The following MAP4K4 variants were observed in gnomAD, a reference collection of about 807,000 sequenced individuals.
MAP4K4 encodes mitogen-activated protein kinase kinase kinase kinase 4.
MAP4K4 carries 38 observed loss-of-function variants against 189.6 expected under a neutral mutation model. That is an observed-to-expected ratio of 0.20 (90% CI 0.15 to 0.26). The LOEUF is 0.26. MAP4K4 is among the 10% of genes least tolerant of loss of function. MAP4K4 has a pLI of 1.00. For synonymous variants in MAP4K4, 610 were observed against 624.3 expected (o/e 0.98, Z 0.34); for missense variants, 1,054 against 1,726.9 (o/e 0.61, Z 6.91).
intron 2 of MAP4K4, among the ~76,000 whole-genome samples, chr2:101,760,881 T>C (rs1033721106): frequency 6.6e-6 from 1 of 152,142 alleles, no homozygotes; most frequent in African/African-American, 2.4e-5. Context: ...CGCATGCCTG[T>C]AATCCCAGCT....
intron 2 of MAP4K4, among the ~76,000 whole-genome samples, chr2:101,759,472 C>T (rs1283137124): frequency 1.7e-5 from 2 of 116,944 alleles, no homozygotes; most frequent in Non-Finnish European, 3.6e-5. Context: ...CTTTCCCTTT[C>T]CCTCTCCCCT....
At chr2:101,761,777 G>A (rs1284069065) in intron 2 of MAP4K4, among the ~76,000 whole-genome samples, 2 of 151,942 alleles carry the variant, frequency 1.3e-5, no homozygotes, top group Non-Finnish European at 2.9e-5. Flanking sequence ...GGCTGGTCTC[G>A]AACTCCTGAC....
At chr2:101,760,840 C>G (rs993697012) in intron 2 of MAP4K4, among the ~76,000 whole-genome samples, 4 of 152,016 alleles carry the variant, frequency 2.6e-5, no homozygotes, top group Non-Finnish European at 5.9e-5. Context: ...CCCATCTCTA[C>G]TAAAAATACT....
intron 2 of MAP4K4, among the ~76,000 whole-genome samples, chr2:101,751,044 C>T (rs140615195): frequency 2.3e-3 from 356 of 152,116 alleles, no homozygotes; most frequent in South Asian, 0.01. Context: ...TGGGAAGGGA[C>T]GTAACCTTTC....
intron 12 of MAP4K4, among the ~76,000 whole-genome samples, chr2:101,851,531 A>C (rs773600179): frequency 1.3e-5 from 2 of 152,068 alleles, no homozygotes; most frequent in African/African-American, 4.8e-5. Context: ...AGCTTTTCAC[A>C]TTACCTATTA....
At chr2:101,841,941 C>T (rs1420792264) in intron 10 of MAP4K4, among the ~76,000 whole-genome samples, 2 of 152,188 alleles carry the variant, frequency 1.3e-5, no homozygotes. Context: ...GGAAAACTGT[C>T]TAAAACCTGT....
At chr2:101,750,660 A>ATG (rs1558724411) in intron 2 of MAP4K4, among the ~76,000 whole-genome samples, 1 of 151,434 alleles carries the variant, frequency 6.6e-6, no homozygotes, top group African/African-American at 2.4e-5. Context: ...TAAAGTATAT[A>ATG]TATAAAAAAA....
intron 21 of MAP4K4, among the ~76,000 whole-genome samples, chr2:101,868,520 A>G (rs967216606): frequency 6.6e-6 from 1 of 152,246 alleles, no homozygotes; most frequent in Non-Finnish European, 1.5e-5. Context: ...CTTGAAAATT[A>G]TATTTGGTGG....
At chr2:101,774,925 C>G (rs1419447631) in intron 2 of MAP4K4, among the ~76,000 whole-genome samples, 1 of 151,982 alleles carries the variant, frequency 6.6e-6, no homozygotes, top group Non-Finnish European at 1.5e-5. Context: ...GCCTGGAGTT[C>G]ACTCTCAGGT....
chr2:101,885,449 CT>C (rs2098466630), intron 29 of MAP4K4, among the ~76,000 whole-genome samples, 162 bp downstream of exon 29: 1 of 152,144 alleles, frequency 6.6e-6, no homozygotes, highest in African/African-American at 2.4e-5. Context: ...ATGTAATAAG[CT>C]TAGTTAAGCT....
At chr2:101,750,995 C>T (rs1046107965) in intron 2 of MAP4K4, among the ~76,000 whole-genome samples, 2 of 152,054 alleles carry the variant, frequency 1.3e-5, no homozygotes, top group African/African-American at 4.8e-5. Flanking sequence ...GGGACCAGTC[C>T]AGGCTCCACA....
intron 13 of MAP4K4, 128 bp from the exon 14 acceptor site, chr2:101,858,868 C>T (rs1441358856): frequency 2.4e-5 from 15 of 633,748 alleles, no homozygotes; most frequent in Non-Finnish European, 2.8e-6. Flanking sequence ...AGATTTTCTT[C>T]AGGTATTTAC....
Position 101,737,426 on chromosome 2 carries a change from GATATATATATATATATAT to G in MAP4K4, c.123+38907_123+38924del, listed in dbSNP as rs59942464. 8.0e-3 allele frequency among the ~76,000 whole-genome samples: 238 copies of G among 29,898 alleles called. 3 individuals are homozygous for G. Among genetic ancestry groups the G allele is most frequent in the East Asian group, 0.025 (17 of 678 alleles). The allele number at this position is 29,898 out of a possible 152,430, so 19.6% of individuals were successfully genotyped here. ...GTCAGTTAGGATTTACCTATTGTGA[GATATATATATATATATAT>G]ATATATATATATATATATTTTTTTT... is the stretch of plus-strand genomic sequence containing the variant. On this transcript the variant is annotated intron_variant, in intron 2 of 32. Transcript: ENST00000324219.
intron 2 of MAP4K4, among the ~76,000 whole-genome samples, chr2:101,754,133 C>T (rs1369399492): frequency 2.0e-5 from 3 of 152,088 alleles, no homozygotes; most frequent in African/African-American, 7.2e-5. Context: ...TAATCTAGCC[C>T]TGTCTGCATC....
At chr2:101,841,503 C>CT (rs1202158558) in intron 10 of MAP4K4, among the ~76,000 whole-genome samples, 2 of 151,218 alleles carry the variant, frequency 1.3e-5, no homozygotes, top group African/African-American at 2.4e-5. Context: ...TCTTGCTGCT[C>CT]TGTCACCCAG....
At chr2:101,781,509 G>T (rs569830295) in intron 2 of MAP4K4, among the ~76,000 whole-genome samples, 174 of 152,178 alleles carry the variant, frequency 1.1e-3, no homozygotes, top group Admixed American at 2.9e-3. Flanking sequence ...CCTTTTTGCT[G>T]CATCATAACG....
chr2:101,730,422 A>G (rs929412978), intron 2 of MAP4K4, among the ~76,000 whole-genome samples: 1 of 152,080 alleles, frequency 6.6e-6, no homozygotes, highest in African/African-American at 2.4e-5. Flanking sequence ...TTCAGATCAT[A>G]TGTTGGTTAT....
chr2:101,864,139 A>C, intron 17 of MAP4K4, 88 bp downstream of exon 17: 1 of 684,248 alleles, frequency 1.5e-6, no homozygotes, highest in Non-Finnish European at 2.1e-6. Context: ...TGGGTATGCA[A>C]CTTGACCAAA....
At chr2:101,716,239 T>G (rs868810482) in intron 2 of MAP4K4, among the ~76,000 whole-genome samples, 3 of 152,154 alleles carry the variant, frequency 2.0e-5, no homozygotes, top group Non-Finnish European at 4.4e-5. Flanking sequence ...GTCAGGAGAT[T>G]GAGACCATCC....
Sources: allele counts gnomAD v4.1 joint callset (sites outside exome capture counted in the v4.1 genomes callset), GRCh38; gene constraint gnomAD v4.1.1; transcripts MANE v1.5; gene names NCBI Gene and HGNC (gene_info 2026-07-23, HGNC 2026-07-21).